The following SORCS2 variants were observed in gnomAD, a reference collection of about 807,000 sequenced individuals.
The protein encoded by SORCS2 is sortilin related VPS10 domain containing receptor 2.
Under a neutral mutation model 141.6 loss-of-function variants are expected in SORCS2, and 100 were observed. That is an observed-to-expected ratio of 0.71 (90% CI 0.60 to 0.83). The LOEUF (loss-of-function observed/expected upper bound fraction) is 0.83. Ranked by LOEUF, SORCS2 falls within the 40% of genes least tolerant of loss-of-function variation. The probability of loss-of-function intolerance (pLI) is 0.00; values close to 1 mark genes in which losing one functional copy is unlikely to be tolerated. For synonymous variants in SORCS2, 789 were observed against 676.9 expected (o/e 1.17, Z -2.57); for missense variants, 1,646 against 1,560.2 (o/e 1.05, Z -0.93).
At chr4:7,508,277 G>A (rs1021286405) in intron 2 of SORCS2, among the ~76,000 whole-genome samples, 89 of 89,150 alleles carry the variant, frequency 1.0e-3, no homozygotes, top group Non-Finnish European at 1.6e-3. Context: ...AAAACAGAGG[G>A]TGGCCCTAGC....
intron 2 of SORCS2, among the ~76,000 whole-genome samples, chr4:7,453,746 G>C (rs1406116450): frequency 7.4e-6 from 1 of 134,386 alleles, no homozygotes; most frequent in Non-Finnish European, 1.6e-5. Context: ...CTGTGTGTTG[G>C]GGTCAGGAGC....
intron 1 of SORCS2, among the ~76,000 whole-genome samples, chr4:7,316,490 A>C (rs1306905812): frequency 6.6e-6 from 1 of 152,202 alleles, no homozygotes; most frequent in African/African-American, 2.4e-5. Flanking sequence ...AGGACTCAGC[A>C]TGGTACCCAG....
At chr4:7,433,684 C>T (rs764209016) in intron 2 of SORCS2, 5 of 1,612,148 alleles carry the variant, frequency 3.1e-6, no homozygotes, top group Admixed American at 1.7e-5. Context: ...CAGCCTCTTG[C>T]ACCCATTGCA....
rs370955643 is a variant in SORCS2 at position 7,674,197 on chromosome 4, G to C, written c.1162-1853G>C. ...GTGTGTCTCGGTGCCAGTCATTTCT[G>C]TGTGTTGAATTTCGGTCCATAGACA... On this transcript the variant is annotated intron_variant, in intron 8 of 26. Transcript: ENST00000507866. 2.9e-3 allele frequency among the ~76,000 whole-genome samples: 439 copies of C among 151,590 alleles called. 2 individuals are homozygous for C. Among genetic ancestry groups the C allele is most frequent in the African/African-American group, 0.01 (418 of 41,292 alleles).
intron 4 of SORCS2, among the ~76,000 whole-genome samples, chr4:7,646,611 T>C (rs1445506984): frequency 6.6e-6 from 1 of 152,014 alleles, no homozygotes; most frequent in African/African-American, 2.4e-5. Flanking sequence ...GCCTGGGTGA[T>C]GGAGCAAGAC....
At chr4:7,634,266 G>A (rs752969306) in intron 3 of SORCS2, among the ~76,000 whole-genome samples, 26 of 152,056 alleles carry the variant, frequency 1.7e-4, no homozygotes, top group Non-Finnish European at 2.9e-4. Context: ...CCCAGCTACT[G>A]AGGAGGCTGA....
intron 3 of SORCS2, among the ~76,000 whole-genome samples, chr4:7,603,186 G>A (rs1238355248): frequency 6.6e-6 from 1 of 151,688 alleles, no homozygotes; most frequent in East Asian, 1.9e-4. Flanking sequence ...AAGAGAGGGG[G>A]AGGGGGAGGG....
At chr4:7,232,711 C>T (rs1383189320) in intron 1 of SORCS2, among the ~76,000 whole-genome samples, 2 of 152,218 alleles carry the variant, frequency 1.3e-5, no homozygotes, top group African/African-American at 2.4e-5. Flanking sequence ...GCGTGCCCCT[C>T]CCGCACCCTG....
In SORCS2 at chr4:7,233,449, GGGGCCCGGACACT is replaced by G. The variant is rs1204871301; in HGVS notation, c.480+40329_480+40341del. On this transcript the variant is annotated intron_variant, in intron 1 of 26. Coordinates refer to ENST00000507866, the MANE Select transcript of SORCS2 (RefSeq NM_020777.3). The surrounding 1 kb of genome is among the most constrained non-coding windows in gnomAD (Gnocchi z 4.5). The stretch of plus-strand genomic sequence containing the variant: ...CAGGTTGCCATCCTGTTTCCATCCA[GGGGCCCGGACACT>G]GGGCCACAGTGCAGTACAGACCCTC... 1.1e-3 allele frequency among the ~76,000 whole-genome samples: 170 copies of G among 152,216 alleles called. 1 individual carries two copies. Among genetic ancestry groups the G allele is most frequent in the Non-Finnish European group, 2.2e-4 (15 of 68,036 alleles).
At position 7,664,746 on chromosome 4, in the gene SORCS2, G is replaced by C. The variant is rs1722398457; in HGVS notation, c.1071+275G>C. Among the ~76,000 whole-genome samples the C allele has an allele frequency of 6.6e-6, 1 of 152,066 alleles. No homozygotes were observed. Among genetic ancestry groups the C allele is most frequent in the South Asian group, 2.1e-4 (1 of 4,806 alleles). On this transcript the variant is annotated intron_variant, in intron 7 of 26. Coordinates refer to ENST00000507866, the MANE Select transcript of SORCS2 (RefSeq NM_020777.3). This position sits in a 1 kb window ranked among gnomAD's most constrained non-coding sequence, Gnocchi z 4.7. ...AGCCACTCGGGGTCCCCAAACCTAAGCCCATTTAGCCCCATTTGGCTTTAT... is the reference window on the plus strand; with the variant it reads ...AGCCACTCGGGGTCCCCAAACCTAACCCCATTTAGCCCCATTTGGCTTTAT...
intron 1 of SORCS2, among the ~76,000 whole-genome samples, chr4:7,316,608 C>T (rs970409399): frequency 5.9e-5 from 9 of 152,158 alleles, no homozygotes; most frequent in Non-Finnish European, 1.3e-4. Flanking sequence ...AATGTGATAA[C>T]GAATTTAAAG....
intron 3 of SORCS2, among the ~76,000 whole-genome samples, chr4:7,583,446 C>A (rs1384095532): frequency 2.0e-5 from 3 of 152,132 alleles, no homozygotes; most frequent in Non-Finnish European, 4.4e-5. Flanking sequence ...GGCCTCCCAC[C>A]CAGGTTTATC....
Position 7,388,081 on chromosome 4 carries a change from C to T in SORCS2, c.481-8207C>T, listed in dbSNP as rs951562512. The stretch of plus-strand genomic sequence containing the variant: ...ACATACAGTTACACAGAGATACACA[C>T]ACACATGCACACACATGCATGCACA... On this transcript the variant is annotated intron_variant, in intron 1 of 26. Coordinates refer to ENST00000507866, the MANE Select transcript of SORCS2 (RefSeq NM_020777.3). Among the ~76,000 whole-genome samples, 5 of 147,724 alleles carry T rather than the reference C, an allele frequency of 3.4e-5. No homozygotes were observed. The South Asian group carries it at 6.6e-4, about 20-fold the overall frequency.
chr4:7,327,181 T>A (rs1719320443), intron 1 of SORCS2, among the ~76,000 whole-genome samples: 1 of 152,174 alleles, frequency 6.6e-6, no homozygotes, highest in Admixed American at 6.5e-5. Flanking sequence ...ACAACAGAAA[T>A]GCATCCTCTT....
At chr4:7,437,066 G>A (rs549051572) in intron 2 of SORCS2, among the ~76,000 whole-genome samples, 9 of 152,218 alleles carry the variant, frequency 5.9e-5, no homozygotes, top group Admixed American at 3.9e-4. Flanking sequence ...ACGCCAACTG[G>A]GAGCCCTGTA....
At chr4:7,414,091 G>T (rs555433514) in intron 2 of SORCS2, among the ~76,000 whole-genome samples, 1 of 152,200 alleles carries the variant, frequency 6.6e-6, no homozygotes, top group African/African-American at 2.4e-5. Flanking sequence ...AGGAAAGCTC[G>T]ACAAGGCGAG....
At chr4:7,613,875 A>G (rs974978071) in intron 3 of SORCS2, among the ~76,000 whole-genome samples, 1 of 151,822 alleles carries the variant, frequency 6.6e-6, no homozygotes, top group Non-Finnish European at 1.5e-5. Flanking sequence ...CCCATTCACC[A>G]TCCATTCATT....
intron 1 of SORCS2, among the ~76,000 whole-genome samples, chr4:7,365,556 TCATCAGA>T (rs1721829928): frequency 6.6e-6 from 1 of 152,084 alleles, no homozygotes; most frequent in Non-Finnish European, 1.5e-5. Context: ...CAAGAAAGGA[TCATCAGA>T]CAGCACGCTG....
In SORCS2 at chr4:7,438,768, C is replaced by G. The variant is rs535362953; in HGVS notation, c.548+42413C>G. 9.2e-5 allele frequency among the ~76,000 whole-genome samples: 14 copies of G among 152,096 alleles called. No individual in the cohort carries two copies. The South Asian group carries it at 2.7e-3, about 29-fold the overall frequency. ...AGACTATAATCCAACACACCTGTCC[C>G]ACTTGCTTCGAGGTTCTCACTACCC... On this transcript the variant is annotated intron_variant, in intron 2 of 26. Transcript: ENST00000507866.
Sources: allele counts gnomAD v4.1 joint callset (sites outside exome capture counted in the v4.1 genomes callset), GRCh38; gene constraint gnomAD v4.1.1; non-coding constraint Gnocchi (gnomAD v3.1); transcripts MANE v1.5; gene names NCBI Gene and HGNC (gene_info 2026-07-23, HGNC 2026-07-21).